Variants in TEAD1 observed in about 807,000 individuals in gnomAD.
TEAD1 encodes the protein TEA domain transcription factor 1.
TEAD1 carries 9 observed loss-of-function variants against 54.9 expected under a neutral mutation model. That is an observed-to-expected ratio of 0.16 (90% CI 0.10 to 0.29). The LOEUF (loss-of-function observed/expected upper bound fraction) is 0.29, where lower values mean the gene tolerates loss of function less well. Among genes scored for constraint, TEAD1 ranks in the 10% least tolerant of loss-of-function variants. The probability of loss-of-function intolerance (pLI) is 1.00; values close to 1 mark genes in which losing one functional copy is unlikely to be tolerated. For synonymous variants in TEAD1, 200 were observed against 187.8 expected (o/e 1.07, Z -0.53); for missense variants, 387 against 535.9 (o/e 0.72, Z 2.74).
At chr11:12,722,870 T>G (rs1944239614) in intron 2 of TEAD1, among the ~76,000 whole-genome samples, 1 of 152,190 alleles carries the variant, frequency 6.6e-6, no homozygotes, top group Non-Finnish European at 1.5e-5. Context: ...AGTAAATGCT[T>G]TCCAAATGGT....
intron 3 of TEAD1, among the ~76,000 whole-genome samples, chr11:12,781,968 A>AG (rs1378031276): frequency 2.9e-5 from 4 of 135,624 alleles, no homozygotes; most frequent in Admixed American, 6.8e-5. Flanking sequence ...AAAAAAAAAA[A>AG]AAAGAAAGAA....
intron 3 of TEAD1, among the ~76,000 whole-genome samples, chr11:12,847,628 T>C (rs962522217): frequency 1.3e-5 from 2 of 152,170 alleles, no homozygotes; most frequent in African/African-American, 4.8e-5. Flanking sequence ...CCATGTAACG[T>C]TTTAATTTTT....
At chr11:12,806,861 G>T (rs1463190519) in intron 3 of TEAD1, among the ~76,000 whole-genome samples, 2 of 152,184 alleles carry the variant, frequency 1.3e-5, no homozygotes, top group Non-Finnish European at 2.9e-5. Flanking sequence ...GAAATTGCCT[G>T]TAGGAATTGC....
intron 3 of TEAD1, among the ~76,000 whole-genome samples, chr11:12,852,268 G>C (rs910406769): frequency 4.6e-5 from 7 of 151,904 alleles, no homozygotes; most frequent in Admixed American, 3.9e-4. Context: ...TGCTTGTAGT[G>C]GATGAGAACC....
intron 3 of TEAD1, among the ~76,000 whole-genome samples, chr11:12,838,004 C>T (rs1946942274): frequency 6.6e-6 from 1 of 151,972 alleles, no homozygotes; most frequent in African/African-American, 2.4e-5. Context: ...ACCATGTTGG[C>T]CAGGCTGGTC....
intron 5 of TEAD1, among the ~76,000 whole-genome samples, chr11:12,869,698 A>G (rs1453072641): frequency 6.6e-6 from 1 of 152,164 alleles, no homozygotes; most frequent in Non-Finnish European, 1.5e-5. Context: ...TGAAAAATCA[A>G]GTGGCAAACA....
In TEAD1 at chr11:12,898,253, G is replaced by A. The variant is rs117317331; in HGVS notation, c.700-3687G>A. Among the ~76,000 whole-genome samples, 723 of 152,218 alleles carry A rather than the reference G, an allele frequency of 4.7e-3. 3 individuals are homozygous for A. The highest frequency in any genetic ancestry group is 8.3e-3 in the Non-Finnish European group (564 of 68,024). On this transcript the variant is annotated intron_variant, in intron 9 of 12. Coordinates refer to ENST00000527636, the MANE Select transcript of TEAD1 (RefSeq NM_021961.6). ...CTTCACTGCTTGCTCCCAGCTCTTG[G>A]CTTGTGTTTCTTTTTTCTTTACTAG... is the stretch of plus-strand genomic sequence containing the variant.
intron 3 of TEAD1, among the ~76,000 whole-genome samples, chr11:12,829,749 G>C (rs1275921930): frequency 6.6e-6 from 1 of 152,222 alleles, no homozygotes; most frequent in African/African-American, 2.4e-5. Flanking sequence ...GTGTTTATAA[G>C]ATTGAGCAAT....
At chr11:12,680,467 A>G (rs997001432) in intron 2 of TEAD1, among the ~76,000 whole-genome samples, 1 of 152,216 alleles carries the variant, frequency 6.6e-6, no homozygotes, top group African/African-American at 2.4e-5. Flanking sequence ...CAAGTGTTTT[A>G]AATAGCCACT....
chr11:12,776,056 C>T (rs1945411883), intron 3 of TEAD1, among the ~76,000 whole-genome samples: 3 of 152,014 alleles, frequency 2.0e-5, no homozygotes, highest in Admixed American at 2.0e-4. Flanking sequence ...CTCTCCCTTC[C>T]ACTTGTGGGT....
rs182913620 is a variant in TEAD1 at position 12,690,107 on chromosome 11, G to A, written c.-55+14546G>A. 6.3e-4 allele frequency among the ~76,000 whole-genome samples: 96 copies of A among 151,934 alleles called. No individual in the cohort carries two copies. In the Middle Eastern group the frequency reaches 0.014, roughly 22 times the overall value. On this transcript the variant is annotated intron_variant, in intron 2 of 12. Transcript: ENST00000527636. ...ATACAAAAAATTAGCCAGGCGTGGT[G>A]GCGGCCGCCTGTAGTGCCAGCTACT...
At chr11:12,684,098 G>A (rs1426139620) in intron 2 of TEAD1, among the ~76,000 whole-genome samples, 1 of 152,174 alleles carries the variant, frequency 6.6e-6, no homozygotes, top group Non-Finnish European at 1.5e-5. Context: ...CAAGGCTGAG[G>A]CATTTACTTA....
intron 2 of TEAD1, among the ~76,000 whole-genome samples, chr11:12,719,131 C>A (rs528471175): frequency 6.6e-6 from 1 of 152,072 alleles, no homozygotes; most frequent in African/African-American, 2.4e-5. Flanking sequence ...GGACTCAAGT[C>A]CTGGCTTGGG....
chr11:12,840,838 AT>A (rs1947022864), intron 3 of TEAD1, among the ~76,000 whole-genome samples: 1 of 152,280 alleles, frequency 6.6e-6, no homozygotes, highest in African/African-American at 2.4e-5. Context: ...TCTGGTGGAT[AT>A]TTGATTGCTC....
chr11:12,747,579 G>T (rs1355317085), intron 2 of TEAD1, among the ~76,000 whole-genome samples: 1 of 152,158 alleles, frequency 6.6e-6, no homozygotes, highest in African/African-American at 2.4e-5. Flanking sequence ...CAAGTGATCT[G>T]CCTGCCTAGG....
At chr11:12,717,536 T>G (rs1038767514) in intron 2 of TEAD1, among the ~76,000 whole-genome samples, 2 of 152,296 alleles carry the variant, frequency 1.3e-5, no homozygotes, top group South Asian at 4.2e-4. Context: ...GGGTGGTTAT[T>G]AGGTTATGTC....
At chr11:12,694,242 G>A (rs898427562) in intron 2 of TEAD1, among the ~76,000 whole-genome samples, 1 of 152,158 alleles carries the variant, frequency 6.6e-6, no homozygotes, top group African/African-American at 2.4e-5. Flanking sequence ...ATGTATAGTT[G>A]AAGTATCGAC....
chr11:12,865,503 AAAAGAGAAATCTG>A (rs1947598836), intron 5 of TEAD1: 1 of 152,802 alleles, frequency 6.5e-6, no homozygotes, highest in Non-Finnish European at 1.5e-5. Context: ...CGCTCTTATT[AAAAGAGAAATCTG>A]AGCAGTGGCC....
chr11:12,707,222 A>G (rs1231691765), intron 2 of TEAD1, among the ~76,000 whole-genome samples: 1 of 150,592 alleles, frequency 6.6e-6, no homozygotes, highest in African/African-American at 2.5e-5. Flanking sequence ...CTATAGAGGA[A>G]CGCAGTTGAT....
Sources: gnomAD v4.1 joint callset for allele counts (sites outside exome capture counted in the v4.1 genomes callset) on GRCh38, gnomAD v4.1.1 for gene constraint, MANE v1.5 for transcripts, NCBI Gene and HGNC (gene_info 2026-07-23, HGNC 2026-07-21) for gene names.